Variants in FARSB observed in about 807,000 individuals in gnomAD.
The protein encoded by FARSB is phenylalanyl-tRNA synthetase subunit beta, also known as phenylalanine--tRNA ligase beta subunit.
FARSB carries 40 observed loss-of-function variants against 69.6 expected under a neutral mutation model. The observed-to-expected ratio is 0.57, with a 90% confidence interval of 0.45 to 0.75. The LOEUF (loss-of-function observed/expected upper bound fraction) is 0.75. Among genes scored for constraint, FARSB ranks in the 30% least tolerant of loss-of-function variants. The pLI is 0.00. For synonymous variants in FARSB, 235 were observed against 247.2 expected, an observed-to-expected ratio of 0.95 and a Z score of 0.46; for missense variants, 632 against 722.9, an observed-to-expected ratio of 0.87 and a Z score of 1.44.
At chr2:222,597,798 C>T (rs1177589664) in intron 16 of FARSB, among the ~76,000 whole-genome samples, 1 of 152,156 alleles carries the variant, frequency 6.6e-6, no homozygotes, top group Non-Finnish European at 1.5e-5. Flanking sequence ...TTCTCTTCAC[C>T]TCTGCTCTCC....
chr2:222,570,046 TATTTG>T lies in FARSB; in HGVS notation c.*1820_*1824del. On this transcript the variant is annotated 3_prime_UTR_variant, in exon 17 of 17. Transcript: ENST00000281828. ...GTTCCACTTGCTCCAGTCTCAGCAG[TATTTG>T]ATTTATGAATCTTAAATTTTAGCCA... Among the ~76,000 whole-genome samples the T allele has an allele frequency of 6.6e-6, 1 of 152,330 alleles. No individual in the cohort carries two copies. The highest frequency in any genetic ancestry group is 2.4e-5 in the African/African-American group (1 of 41,582).
rs1057256065 is a variant in FARSB at position 222,611,439 on chromosome 2, T to C, written c.1462+2372A>G. Among the ~76,000 whole-genome samples, 9 of 15,278 alleles carry C rather than the reference T, an allele frequency of 5.9e-4. No individual in the cohort carries two copies. In the Admixed American group the frequency reaches 7.3e-3, roughly 12 times the overall value. 10.0% of individuals were successfully genotyped at this position (15,278 alleles called of 152,430 possible). Reference sequence around the variant, plus strand: ...TCTTTCTTTCCTTTCTTTCTTCTTTTTGGGGGGGCGGGGGGGCGCGTGGGG... The same window carrying C: ...TCTTTCTTTCCTTTCTTTCTTCTTTCTGGGGGGGCGGGGGGGCGCGTGGGG... On this transcript the variant is annotated intron_variant, in intron 15 of 16. Coordinates refer to ENST00000281828, the MANE Select transcript of FARSB (RefSeq NM_005687.5).
intron 16 of FARSB, 83 bp downstream of exon 16, chr2:222,599,845 C>A: frequency 1.8e-6 from 2 of 1,142,264 alleles, no homozygotes; most frequent in Non-Finnish European, 2.4e-6. Context: ...AATCCCAAAT[C>A]AAAACTACCA....
At position 222,647,797 on chromosome 2, in the gene FARSB, G is replaced by A. The variant is rs149333325; in HGVS notation, c.114+943C>T. On this transcript the variant is annotated intron_variant, in intron 2 of 16. Coordinates refer to ENST00000281828, the MANE Select transcript of FARSB (RefSeq NM_005687.5). ...GGGCCAGGCATGGTGGCTCACACCT[G>A]TAATCTCAGCACTTTGGGAGGCCAA... is the stretch of plus-strand genomic sequence containing the variant. 1.4e-3 allele frequency among the ~76,000 whole-genome samples: 220 copies of A among 152,326 alleles called. 1 individual carries two copies. The highest frequency in any genetic ancestry group is 0.013 in the Admixed American group (193 of 15,302).
intron 16 of FARSB, among the ~76,000 whole-genome samples, chr2:222,588,685 C>CA (rs1236269540): frequency 1.3e-5 from 2 of 152,164 alleles, no homozygotes; most frequent in African/African-American, 4.8e-5. Context: ...AATCAATGTG[C>CA]AAAAATCACA....
intron 7 of FARSB, among the ~76,000 whole-genome samples, chr2:222,632,219 T>A (rs961050468): frequency 2.0e-5 from 3 of 152,164 alleles, no homozygotes; most frequent in African/African-American, 7.2e-5. Context: ...AGTTGAAGAA[T>A]AAAAATAAAA....
chr2:222,625,601 C>T (rs769873017), intron 10 of FARSB, among the ~76,000 whole-genome samples: 7 of 152,156 alleles, frequency 4.6e-5, no homozygotes, highest in Admixed American at 6.5e-5. Context: ...CCAATCTGCA[C>T]GTTTTCAAGA....
chr2:222,624,442 T>A lies in FARSB; in HGVS notation c.1000A>T (p.Met334Leu), dbSNP rs1691216597. 6.2e-7 allele frequency: 1 copy of A among 1,613,554 alleles called. No individual in the cohort carries two copies. Among genetic ancestry groups the A allele is most frequent in the Non-Finnish European group, 8.5e-7 (1 of 1,179,468 alleles). ...PENLAKLLTR[M>L]YLKSEVIGDG... is the part of the protein sequence containing the mutation. ...CCTATGACTTCTGATTTTAAATACA[T>A]CCTGGTCAGAAGTTTGGCAAGATTT... The change falls in exon 12 of 17, where the codon ATG becomes TTG. Residue 334 changes from methionine (M) to leucine (L), a missense_variant. Coordinates refer to ENST00000281828, the MANE Select transcript of FARSB (RefSeq NM_005687.5).
intron 5 of FARSB, among the ~76,000 whole-genome samples, chr2:222,638,328 A>C (rs116144378): frequency 2.8e-4 from 43 of 152,348 alleles, no homozygotes; most frequent in African/African-American, 9.9e-4. Flanking sequence ...CAAATAAAAC[A>C]GAGCTTAAAG....
At chr2:222,654,240 A>C (rs551982305) in intron 1 of FARSB, among the ~76,000 whole-genome samples, 1 of 152,314 alleles carries the variant, frequency 6.6e-6, no homozygotes, top group Non-Finnish European at 1.5e-5. Context: ...CAAAACCTTA[A>C]AGTGCAGACA....
In FARSB at chr2:222,640,855, T is replaced by C. The variant is rs777626193; in HGVS notation, c.339+7A>G. ...TTAAAAGAAAAATAAGAATTTGTCC[T>C]TATTACCTCTTCTGTGATAATCAAT... On this transcript the variant is annotated splice_region_variant and intron_variant, in intron 4 of 16. Coordinates refer to ENST00000281828, the MANE Select transcript of FARSB (RefSeq NM_005687.5). 6 of 1,472,978 alleles carry C rather than the reference T, an allele frequency of 4.1e-6. No individual in the cohort carries two copies. The African/African-American group carries it at 8.5e-5, about 21-fold the overall frequency. The allele number at this position is 1,472,978 out of a possible 1,614,324, so 91.2% of individuals were successfully genotyped here.
At position 222,610,737 on chromosome 2, in the gene FARSB, C is replaced by T. The variant is rs115100395; in HGVS notation, c.1462+3074G>A. Among the ~76,000 whole-genome samples the T allele has an allele frequency of 1.0e-3, 154 of 152,320 alleles. 3 individuals are homozygous for T. Among genetic ancestry groups the T allele is most frequent in the South Asian group, 8.3e-4 (4 of 4,826 alleles). On this transcript the variant is annotated intron_variant, in intron 15 of 16. Transcript: ENST00000281828. ...GACCAAACACCAACAGTTCTTATTA[C>T]GTGGCTAGAACTTTTCAAACTGCAA...
intron 16 of FARSB, among the ~76,000 whole-genome samples, chr2:222,596,861 A>G (rs1574920771): frequency 6.6e-6 from 1 of 152,162 alleles, no homozygotes; most frequent in South Asian, 2.1e-4. Context: ...AAAACTTAAT[A>G]CCAACTTTAT....
At chr2:222,601,092 A>G (rs1690544792) in intron 15 of FARSB, among the ~76,000 whole-genome samples, 2 of 152,224 alleles carry the variant, frequency 1.3e-5, no homozygotes, top group South Asian at 4.1e-4. Context: ...AACAGAAAGT[A>G]GAAAGGTAGC....
At position 222,613,917 on chromosome 2, in the gene FARSB, A is replaced by AG; in HGVS notation, c.1355dup (p.Thr453TyrfsTer15). 6.2e-7 allele frequency: 1 copy of AG among 1,610,280 alleles called. No individual in the cohort carries two copies. The highest frequency in any genetic ancestry group is 8.5e-7 in the Non-Finnish European group (1 of 1,176,548). On this transcript the variant is annotated frameshift_variant, in exon 15 of 17. Transcript: ENST00000281828. LOFTEE classifies it high-confidence loss of function. ...TCTTCAGGAGGCCAGGAAGAAGGGTAGTGCGTGCCACCTACAGGAAAAGAC... is the reference window on the plus strand; with the variant it reads ...TCTTCAGGAGGCCAGGAAGAAGGGTAGGTGCGTGCCACCTACAGGAAAAGAC...
At chr2:222,599,050 C>T (rs1236305839) in intron 16 of FARSB, among the ~76,000 whole-genome samples, 1 of 150,214 alleles carries the variant, frequency 6.7e-6, no homozygotes, top group Non-Finnish European at 1.5e-5. Context: ...ATTAAACAAC[C>T]ACCAACAAAA....
chr2:222,580,842 A>G (rs546718736), intron 16 of FARSB, among the ~76,000 whole-genome samples: 1 of 152,326 alleles, frequency 6.6e-6, no homozygotes, highest in South Asian at 2.1e-4. Context: ...AAGGTGAGCG[A>G]CAAAATATAG....
At chr2:222,584,906 A>C (rs543692572) in intron 16 of FARSB, among the ~76,000 whole-genome samples, 1 of 152,352 alleles carries the variant, frequency 6.6e-6, no homozygotes, top group East Asian at 1.9e-4. Flanking sequence ...TAGACTCCAC[A>C]TCTGGGGACA....
At position 222,599,072 on chromosome 2, in the gene FARSB, G is replaced by A. The variant is rs188791299; in HGVS notation, c.1618+856C>T. Among the ~76,000 whole-genome samples the A allele has an allele frequency of 1.5e-3, 220 of 150,004 alleles. 1 individual carries two copies. The highest frequency in any genetic ancestry group is 0.013 in the Admixed American group (192 of 14,750). On this transcript the variant is annotated intron_variant, in intron 16 of 16. Transcript: ENST00000281828. ...AACCACCAACAAAAACAATCCCTGA[G>A]GACTAATAAATAAAAGAAAAAAACA...
Sources: gnomAD v4.1 joint callset for allele counts (sites outside exome capture counted in the v4.1 genomes callset) on GRCh38, gnomAD v4.1.1 for gene constraint, MANE v1.5 for transcripts, NCBI Gene and HGNC (gene_info 2026-07-23, HGNC 2026-07-21) for gene names.